AGBL1: variants seen among roughly 807,000 people sequenced by gnomAD.
AGBL1 encodes the protein cytosolic carboxypeptidase 4.
A neutral mutation model predicts 118.9 loss-of-function variants in AGBL1; 130 were observed. The observed-to-expected ratio is 1.09, with a 90% CI of 0.95 to 1.26. The LOEUF is 1.26. Among genes scored for constraint, AGBL1 ranks in the 50% most tolerant of loss-of-function variants. The pLI is 0.00. For missense variants in AGBL1, 1,584 were observed against 1,298.1 expected (o/e 1.22, Z -3.38); for synonymous variants, 555 against 478.9 (o/e 1.16, Z -2.08).
At chr15:86,784,926 T>C (rs1007203668) in intron 22 of AGBL1, among the ~76,000 whole-genome samples, 2 of 152,138 alleles carry the variant, frequency 1.3e-5, no homozygotes, top group African/African-American at 4.8e-5. Context: ...CAAAATAAGA[T>C]TATTAAAAAA....
chr15:86,288,273 A>C (rs1287840327), intron 16 of AGBL1, among the ~76,000 whole-genome samples: 1 of 152,196 alleles, frequency 6.6e-6, no homozygotes, highest in East Asian at 1.9e-4. Context: ...AGCACTATCC[A>C]TACCTTCTTA....
intron 24 of AGBL1, among the ~76,000 whole-genome samples, chr15:87,005,766 T>C (rs8025046): frequency 0.099 from 15,055 of 152,200 alleles, 1,326 homozygotes; most frequent in African/African-American, 0.23. Context: ...AGAGGAGAGG[T>C]GCTCTGATTT....
intron 18 of AGBL1, among the ~76,000 whole-genome samples, chr15:86,448,861 G>A (rs894221659): frequency 1.3e-5 from 2 of 152,104 alleles, no homozygotes; most frequent in Non-Finnish European, 2.9e-5. Context: ...GAAAAAAAAA[G>A]GAGAAGCTGA....
At position 86,439,103 on chromosome 15, in the gene AGBL1, G is replaced by C. The variant is rs528399767; in HGVS notation, c.2555+41557G>C. Among the ~76,000 whole-genome samples the C allele has an allele frequency of 9.9e-5, 15 of 152,232 alleles. No homozygotes were observed. In the East Asian group the frequency reaches 2.9e-3, roughly 29 times the overall value. Reference sequence around the variant, plus strand: ...TGATGGGTGGAAGAGTCCCGATGAGGATGTCGTAATGGGGCAGTGTATACA... The same window carrying C: ...TGATGGGTGGAAGAGTCCCGATGAGCATGTCGTAATGGGGCAGTGTATACA... On this transcript the variant is annotated intron_variant, in intron 18 of 22. Coordinates refer to ENST00000614907, the MANE Select transcript of AGBL1 (RefSeq NM_001386094.1).
intron 18 of AGBL1, among the ~76,000 whole-genome samples, chr15:86,425,965 A>AAT (rs1177882847): frequency 1.3e-5 from 1 of 76,970 alleles, no homozygotes; most frequent in African/African-American, 1.6e-4. Context: ...ACATAAAAAT[A>AAT]ACACACAGAT....
chr15:86,897,862 T>C (rs1420011748), intron 22 of AGBL1, among the ~76,000 whole-genome samples: 1 of 145,980 alleles, frequency 6.9e-6, no homozygotes, highest in Non-Finnish European at 1.5e-5. Flanking sequence ...TTCGACCTCC[T>C]GGGCTCAGGT....
intron 23 of AGBL1, among the ~76,000 whole-genome samples, chr15:86,981,779 C>G (rs536435562): frequency 8.5e-5 from 13 of 152,068 alleles, no homozygotes; most frequent in Non-Finnish European, 1.5e-4. Flanking sequence ...TGAAAGTTGC[C>G]TTGGGACAAA....
At chr15:86,970,916 T>C (rs552276634) in intron 23 of AGBL1, among the ~76,000 whole-genome samples, 1 of 152,146 alleles carries the variant, frequency 6.6e-6, no homozygotes, top group Non-Finnish European at 1.5e-5. Flanking sequence ...GATCAATACA[T>C]TTAACCACTA....
At chr15:86,285,385 G>T (rs2079501143) in intron 16 of AGBL1, among the ~76,000 whole-genome samples, 1 of 152,030 alleles carries the variant, frequency 6.6e-6, no homozygotes, top group South Asian at 2.1e-4. Flanking sequence ...TTGAATTTTA[G>T]GTCCCATAAT....
rs1160085200 is a variant in AGBL1 at position 86,914,044 on chromosome 15, G to A, written c.*6750G>A. ...AGTAACACTTAAGCATAATTATTTG[G>A]AGCTATTCAGTTAAAGTGTCTGAGT... On this transcript the variant is annotated 3_prime_UTR_variant, in exon 23 of 23. Transcript: ENST00000614907. 1 of 152,182 alleles carries A rather than the reference G, an allele frequency of 6.6e-6. No individual in the cohort carries two copies. The highest frequency in any genetic ancestry group is 2.4e-5 in the African/African-American group (1 of 41,432). The allele number at this position is 152,182 out of a possible 1,614,324, so 9.4% of individuals were successfully genotyped here. A position where few individuals can be genotyped will look rare whatever the true frequency, so the allele number is the denominator to read the frequency against.
chr15:86,712,036 A>G (rs1477423038), intron 22 of AGBL1, among the ~76,000 whole-genome samples: 2 of 152,288 alleles, frequency 1.3e-5, no homozygotes, highest in East Asian at 3.9e-4. Flanking sequence ...CTGCAAAGAT[A>G]CAGAGCTGAG....
At chr15:86,823,284 C>T (rs1432260552) in intron 22 of AGBL1, among the ~76,000 whole-genome samples, 4 of 152,088 alleles carry the variant, frequency 2.6e-5, no homozygotes, top group Non-Finnish European at 5.9e-5. Flanking sequence ...GGACATACGA[C>T]CTGAGATATG....
At chr15:86,976,052 G>A (rs953408203) in intron 23 of AGBL1, among the ~76,000 whole-genome samples, 1 of 151,672 alleles carries the variant, frequency 6.6e-6, no homozygotes, top group African/African-American at 2.4e-5. Flanking sequence ...TTATTATGTT[G>A]GTTACACATA....
intron 1 of AGBL1, among the ~76,000 whole-genome samples, chr15:86,120,186 A>T (rs190884648): frequency 6.6e-6 from 1 of 152,076 alleles, no homozygotes; most frequent in African/African-American, 2.4e-5. Flanking sequence ...TCCTGCATGT[A>T]CTTGGGGCTG....
chr15:86,134,560 CCTTTTTTCCCCTCCA>C (rs1475456154), intron 1 of AGBL1, among the ~76,000 whole-genome samples: 5 of 149,428 alleles, frequency 3.3e-5, no homozygotes, highest in Non-Finnish European at 5.9e-5. Context: ...ACTACAGGAT[CCTTTTTTCCCCTCCA>C]CTTTAAGACT....
At chr15:86,852,193 C>T (rs576138768) in intron 22 of AGBL1, among the ~76,000 whole-genome samples, 1 of 152,124 alleles carries the variant, frequency 6.6e-6, no homozygotes, top group Admixed American at 6.5e-5. Flanking sequence ...GAAGGGGAAG[C>T]AGGCACCTTC....
intron 22 of AGBL1, among the ~76,000 whole-genome samples, chr15:86,746,209 C>T (rs8033008): frequency 0.75 from 113,954 of 152,042 alleles, 43,327 homozygotes; most frequent in East Asian, 0.95. Flanking sequence ...AGACTCCTTC[C>T]GCACATCCTT....
intron 18 of AGBL1, among the ~76,000 whole-genome samples, chr15:86,469,653 A>G (rs1411755908): frequency 1.3e-5 from 2 of 152,078 alleles, no homozygotes; most frequent in Non-Finnish European, 2.9e-5. Context: ...TTGAAGCTCC[A>G]TATTGTTTTC....
At chr15:86,831,614 G>A (rs548782909) in intron 22 of AGBL1, among the ~76,000 whole-genome samples, 1 of 152,330 alleles carries the variant, frequency 6.6e-6, no homozygotes, top group South Asian at 2.1e-4. Flanking sequence ...TGATGCAAGA[G>A]GTGGGTTCCC....
Sources: gnomAD v4.1 joint callset for allele counts (sites outside exome capture counted in the v4.1 genomes callset) on GRCh38, gnomAD v4.1.1 for gene constraint, MANE v1.5 for transcripts, NCBI Gene and HGNC (gene_info 2026-07-23, HGNC 2026-07-21) for gene names.